RIMS2: variants seen among roughly 807,000 people sequenced by gnomAD.
RIMS2 encodes regulating synaptic membrane exocytosis protein 2.
In RIMS2, 59 loss-of-function variants were observed where a neutral mutation model predicts 174.4. The observed-to-expected ratio is 0.34, with a 90% CI of 0.27 to 0.42. RIMS2 has a LOEUF of 0.42. RIMS2 is among the 10% of genes least tolerant of loss of function. The probability of loss-of-function intolerance (pLI) is 1.00; values close to 1 mark genes in which losing one functional copy is unlikely to be tolerated. For missense variants in RIMS2, 1,620 were observed against 1,666.3 expected (o/e 0.97, Z 0.48); for synonymous variants, 606 against 572.5 (o/e 1.06, Z -0.84).
intron 1 of RIMS2, among the ~76,000 whole-genome samples, chr8:103,503,110 TG>T (rs1821296616): frequency 6.6e-6 from 1 of 151,972 alleles, no homozygotes; most frequent in Non-Finnish European, 1.5e-5. Flanking sequence ...ATTACATTGA[TG>T]AAAAATATAT....
chr8:103,819,718 C>A, intron 3 of RIMS2: 1 of 976,244 alleles, frequency 1.0e-6, no homozygotes, highest in Non-Finnish European at 1.5e-6. Flanking sequence ...TATTGAAGTG[C>A]TAGTGTTATA....
At chr8:104,141,954 A>T (rs796572808) in intron 19 of RIMS2, among the ~76,000 whole-genome samples, 7 of 152,210 alleles carry the variant, frequency 4.6e-5, no homozygotes, top group Non-Finnish European at 8.8e-5. Flanking sequence ...TCAATTATTT[A>T]TATGTTTACT....
At chr8:103,690,210 C>A (rs1442760677) in intron 1 of RIMS2, among the ~76,000 whole-genome samples, 3 of 152,140 alleles carry the variant, frequency 2.0e-5, no homozygotes, top group Non-Finnish European at 4.4e-5. Context: ...GTGGTCCCCC[C>A]ACCTCAGCTT....
At chr8:103,617,021 T>C (rs1486973211) in intron 1 of RIMS2, among the ~76,000 whole-genome samples, 1 of 152,154 alleles carries the variant, frequency 6.6e-6, no homozygotes, top group African/African-American at 2.4e-5. Context: ...GAAAAATCTA[T>C]TTTAAAATTC....
intron 13 of RIMS2, among the ~76,000 whole-genome samples, chr8:103,938,776 G>A (rs548358874): frequency 2.7e-3 from 413 of 152,284 alleles, no homozygotes; most frequent in Non-Finnish European, 4.2e-3. Flanking sequence ...GGGGGTACAC[G>A]CATTGGGTAA....
At chr8:103,555,315 A>T (rs555581303) in intron 1 of RIMS2, among the ~76,000 whole-genome samples, 1 of 152,300 alleles carries the variant, frequency 6.6e-6, no homozygotes, top group African/African-American at 2.4e-5. Flanking sequence ...ACCCACAAAG[A>T]TATATTACCT....
At chr8:103,757,018 A>T (rs1318874515) in intron 2 of RIMS2, among the ~76,000 whole-genome samples, 9 of 147,518 alleles carry the variant, frequency 6.1e-5, no homozygotes, top group South Asian at 2.2e-4. Flanking sequence ...TGTGAGAGAG[A>T]GAGAGAGAGA....
chr8:104,154,286 T>C (rs1209103228), intron 19 of RIMS2, among the ~76,000 whole-genome samples: 1 of 152,174 alleles, frequency 6.6e-6, no homozygotes, highest in Admixed American at 6.5e-5. Context: ...TTAATTTTTC[T>C]GTTACAGTCT....
intron 19 of RIMS2, among the ~76,000 whole-genome samples, chr8:104,200,295 G>C (rs1030746883): frequency 2.6e-5 from 4 of 152,200 alleles, no homozygotes; most frequent in Admixed American, 6.5e-5. Context: ...TGGAAGCCCT[G>C]AATTCCAAGA....
chr8:103,512,867 GA>G (rs2129661310), intron 1 of RIMS2, among the ~76,000 whole-genome samples: 1 of 152,170 alleles, frequency 6.6e-6, no homozygotes, highest in South Asian at 2.1e-4. Flanking sequence ...TTTTACTTCT[GA>G]ACCAGTGAAC....
chr8:103,879,296 A>G (rs1237911881), intron 3 of RIMS2, among the ~76,000 whole-genome samples: 2 of 151,544 alleles, frequency 1.3e-5, no homozygotes, highest in Non-Finnish European at 3.0e-5. Flanking sequence ...AACACCACCA[A>G]GAGAACTCAC....
At chr8:104,080,250 T>G (rs2097389141) in intron 19 of RIMS2, among the ~76,000 whole-genome samples, 1 of 152,074 alleles carries the variant, frequency 6.6e-6, no homozygotes, top group African/African-American at 2.4e-5. Context: ...TATGTGGTAC[T>G]TTGGAGGCAG....
At chr8:103,553,540 T>C (rs1849029419) in intron 1 of RIMS2, among the ~76,000 whole-genome samples, 1 of 152,048 alleles carries the variant, frequency 6.6e-6, no homozygotes, top group Admixed American at 6.6e-5. Context: ...GGCACATATA[T>C]ACATATGTAA....
intron 3 of RIMS2, among the ~76,000 whole-genome samples, chr8:103,785,187 TC>T (rs2098431132): frequency 6.8e-6 from 1 of 146,620 alleles, no homozygotes; most frequent in African/African-American, 2.6e-5. Flanking sequence ...GATGGGGTTT[TC>T]TAGATATACA....
intron 1 of RIMS2, among the ~76,000 whole-genome samples, chr8:103,632,523 C>G (rs35825647): frequency 8.0e-4 from 121 of 152,022 alleles, no homozygotes; most frequent in Non-Finnish European, 1.5e-3. Flanking sequence ...CGGGTTCAAG[C>G]GATTCTCCTG....
chr8:103,582,222 C>T (rs1461177033), intron 1 of RIMS2, among the ~76,000 whole-genome samples: 1 of 152,062 alleles, frequency 6.6e-6, no homozygotes, highest in Non-Finnish European at 1.5e-5. Context: ...AGGACTCAGT[C>T]CTGGAAGCAT....
At chr8:103,821,088 G>A (rs1173293013) in intron 3 of RIMS2, among the ~76,000 whole-genome samples, 2 of 150,700 alleles carry the variant, frequency 1.3e-5, no homozygotes, top group African/African-American at 2.4e-5. Flanking sequence ...TTAGGGTTTA[G>A]GTATAGAAAT....
intron 19 of RIMS2, among the ~76,000 whole-genome samples, chr8:104,036,448 G>T (rs1252278222): frequency 6.6e-6 from 1 of 151,798 alleles, no homozygotes; most frequent in African/African-American, 2.4e-5. Context: ...ACACCACCCG[G>T]TCTGGAAATA....
At chr8:103,629,152 G>A (rs959619265) in intron 1 of RIMS2, among the ~76,000 whole-genome samples, 6 of 152,170 alleles carry the variant, frequency 3.9e-5, no homozygotes, top group African/African-American at 1.4e-4. Context: ...TCAACTGGGT[G>A]CTGCAGCCAA....
Sources: allele counts gnomAD v4.1 joint callset (sites outside exome capture counted in the v4.1 genomes callset), GRCh38; gene constraint gnomAD v4.1.1; transcripts MANE v1.5; gene names NCBI Gene and HGNC (gene_info 2026-07-23, HGNC 2026-07-21).